The following P4HA3 variants were observed in gnomAD, a reference collection of about 807,000 sequenced individuals.
P4HA3 encodes prolyl 4-hydroxylase subunit alpha 3, also known as prolyl 4-hydroxylase subunit alpha-3.
In P4HA3, 60 loss-of-function variants were observed where a neutral mutation model predicts 66.7. The ratio of observed to expected loss-of-function variants is 0.90; its 90% CI spans 0.73 to 1.12. The LOEUF (loss-of-function observed/expected upper bound fraction) is 1.12. P4HA3 is among the 50% of genes most tolerant of loss of function. The probability of loss-of-function intolerance (pLI) is 0.00; values close to 1 mark genes in which losing one functional copy is unlikely to be tolerated. For missense variants in P4HA3, 683 were observed against 685.8 expected (o/e 1.00, Z 0.05); for synonymous variants, 263 against 274.6 (o/e 0.96, Z 0.42).
chr11:74,261,334 T>C (rs1385465915), intron 14 of P4HA3, among the ~76,000 whole-genome samples: 1 of 151,902 alleles, frequency 6.6e-6, no homozygotes, highest in Admixed American at 6.6e-5. Flanking sequence ...AAAGACACCA[T>C]TCACAGTATA....
chr11:74,273,737 C>CAGTAGGTGTA, intron 9 of P4HA3, 130 bp from the exon 10 acceptor site: 1 of 620,784 alleles, frequency 1.6e-6, no homozygotes, highest in Non-Finnish European at 2.4e-6. Context: ...TGATATACAC[C>CAGTAGGTGTA]TACTGGAGTA....
At chr11:74,286,185 T>C (rs753318109) in intron 6 of P4HA3, 43 bp downstream of exon 6, 103 of 1,588,280 alleles carry the variant, frequency 6.5e-5, no homozygotes, top group Non-Finnish European at 8.4e-5. Context: ...TCTCAAACTC[T>C]AGCCAGGCCT....
At chr11:74,261,708 C>CA (rs1232690658), downstream of P4HA3, among the ~76,000 whole-genome samples, 2 of 151,898 alleles carry the variant, frequency 1.3e-5, no homozygotes, top group Non-Finnish European at 2.9e-5. Flanking sequence ...GAGACTCAAT[C>CA]AGTCATCCCA....
chr11:74,272,078 T>C (rs1860221227), intron 10 of P4HA3, among the ~76,000 whole-genome samples: 1 of 152,148 alleles, frequency 6.6e-6, no homozygotes, highest in Admixed American at 6.5e-5. Context: ...TGAGGCCACA[T>C]AGTAAGTGGC....
chr11:74,252,616 G>A, intron 15 of P4HA3: 1 of 447,244 alleles, frequency 2.2e-6, no homozygotes, highest in South Asian at 1.6e-5. Context: ...TCATTGTGGG[G>A]ACTGTCCTGT....
At chr11:74,305,376 C>T (rs1423504924) in intron 1 of P4HA3, among the ~76,000 whole-genome samples, 2 of 152,074 alleles carry the variant, frequency 1.3e-5, no homozygotes, top group Admixed American at 6.6e-5. Flanking sequence ...CATTTAATTA[C>T]CCCCCACCTT....
chr11:74,287,912 G>A (rs1266549371), intron 5 of P4HA3, among the ~76,000 whole-genome samples: 1 of 152,020 alleles, frequency 6.6e-6, no homozygotes, highest in African/African-American at 2.4e-5. Context: ...AGCTACTTGG[G>A]AGCTGAGGAA....
intron 14 of P4HA3, among the ~76,000 whole-genome samples, chr11:74,260,393 T>C (rs1032426026): frequency 6.6e-6 from 1 of 152,306 alleles, no homozygotes. Flanking sequence ...CCTGTTCCCC[T>C]TTTTGTTGCA....
chr11:74,291,969 T>C (rs1400656288), intron 4 of P4HA3, among the ~76,000 whole-genome samples: 1 of 152,220 alleles, frequency 6.6e-6, no homozygotes, highest in African/African-American at 2.4e-5. Context: ...TAAAATGAGT[T>C]AGGGAGGATT....
At chr11:74,304,232 A>G (rs1861506645) in intron 2 of P4HA3, 38 bp downstream of exon 2, 2 of 1,608,480 alleles carry the variant, frequency 1.2e-6, no homozygotes, top group African/African-American at 2.7e-5. Context: ...CAGGAGATAG[A>G]ATCTTCTCTC....
At chr11:74,251,504 T>C (rs1591073938) in intron 15 of P4HA3, 2 of 1,459,630 alleles carry the variant, frequency 1.4e-6, no homozygotes, top group Non-Finnish European at 1.8e-6. Flanking sequence ...AGGGAGGGCC[T>C]AGGTCCTTTT....
rs531019604 is a variant in P4HA3 at position 74,285,196 on chromosome 11, T to G, written c.1110+613A>C. ...TGAGAATAACTGAAACCACAGAAAGTAAAATTGCAAATAAGGGGGACTACT... is the reference window on the plus strand; with the variant it reads ...TGAGAATAACTGAAACCACAGAAAGGAAAATTGCAAATAAGGGGGACTACT... On this transcript the variant is annotated intron_variant, in intron 7 of 12. Coordinates refer to ENST00000331597, the MANE Select transcript of P4HA3 (RefSeq NM_182904.5). Among the ~76,000 whole-genome samples, 24 of 152,192 alleles carry G rather than the reference T, an allele frequency of 1.6e-4. No individual in the cohort carries two copies. In the South Asian group the frequency reaches 5.0e-3, roughly 32 times the overall value.
intron 7 of P4HA3, 34 bp from the exon 8 acceptor site, chr11:74,279,486 G>C: frequency 6.2e-7 from 1 of 1,605,588 alleles, no homozygotes; most frequent in Non-Finnish European, 8.5e-7. Flanking sequence ...AGTCCAAGTG[G>C]TTATGATGCA....
At chr11:74,261,111 A>G (rs904338381) in intron 14 of P4HA3, among the ~76,000 whole-genome samples, 2 of 152,150 alleles carry the variant, frequency 1.3e-5, no homozygotes, top group African/African-American at 4.8e-5. Flanking sequence ...AAGAATGAGG[A>G]TATGTGACAA....
chr11:74,305,381 C>T (rs371749229), intron 1 of P4HA3, among the ~76,000 whole-genome samples: 2 of 152,144 alleles, frequency 1.3e-5, no homozygotes, highest in Non-Finnish European at 2.9e-5. Flanking sequence ...AATTACCCCC[C>T]ACCTTCCAAC....
At chr11:74,270,191 A>T (rs1230763604) in intron 10 of P4HA3, among the ~76,000 whole-genome samples, 2 of 152,132 alleles carry the variant, frequency 1.3e-5, no homozygotes, top group Non-Finnish European at 2.9e-5. Context: ...GGTTCTCTTA[A>T]ATGCTCATCA....
At chr11:74,273,296 T>A (rs1055529655) in intron 10 of P4HA3, among the ~76,000 whole-genome samples, 1 of 152,092 alleles carries the variant, frequency 6.6e-6, no homozygotes, top group Non-Finnish European at 1.5e-5. Flanking sequence ...CCCATCCTAA[T>A]CCACTGCCCA....
At chr11:74,267,560 C>T (rs1425986199) in intron 12 of P4HA3, among the ~76,000 whole-genome samples, 1 of 152,184 alleles carries the variant, frequency 6.6e-6, no homozygotes, top group Non-Finnish European at 1.5e-5. Context: ...CTCCTGTAAA[C>T]TCATTTTCAA....
chr11:74,269,616 C>T, intron 11 of P4HA3, 36 bp downstream of exon 11: 2 of 1,601,190 alleles, frequency 1.2e-6, no homozygotes, highest in South Asian at 2.2e-5. Flanking sequence ...GCTGCACTCC[C>T]TCAACCCCGT....
Sources: gnomAD v4.1 joint callset for allele counts (sites outside exome capture counted in the v4.1 genomes callset) on GRCh38, gnomAD v4.1.1 for gene constraint, MANE v1.5 for transcripts, NCBI Gene and HGNC (gene_info 2026-07-23, HGNC 2026-07-21) for gene names.